The following AMBRA1 variants were observed in gnomAD, a reference collection of about 807,000 sequenced individuals.
The protein encoded by AMBRA1 is autophagy and beclin 1 regulator 1.
A neutral mutation model predicts 125.4 loss-of-function variants in AMBRA1; 47 were observed. The ratio of observed to expected loss-of-function variants is 0.37; its 90% CI spans 0.30 to 0.48. AMBRA1 has a LOEUF of 0.48. AMBRA1 is among the 20% of genes least tolerant of loss of function. The probability of loss-of-function intolerance (pLI) is 0.99; values close to 1 mark genes in which losing one functional copy is unlikely to be tolerated. For synonymous variants in AMBRA1, 626 were observed against 655.5 expected (o/e 0.95, Z 0.69); for missense variants, 1,331 against 1,693.4 (o/e 0.79, Z 3.76).
intron 1 of AMBRA1, among the ~76,000 whole-genome samples, chr11:46,557,448 T>C (rs1466546128): frequency 6.6e-6 from 1 of 152,140 alleles, no homozygotes; most frequent in African/African-American, 2.4e-5. Context: ...AATGAGACCG[T>C]CCACTGTAGA....
chr11:46,512,868 C>G, intron 7 of AMBRA1, 55 bp from the exon 8 acceptor site: 1 of 1,495,800 alleles, frequency 6.7e-7, no homozygotes, highest in Non-Finnish European at 9.2e-7. Context: ...ACTCAGAGGT[C>G]ATTCATAAGG....
intron 7 of AMBRA1, among the ~76,000 whole-genome samples, chr11:46,535,519 A>C (rs1273138324): frequency 6.6e-6 from 1 of 152,248 alleles, no homozygotes; most frequent in African/African-American, 2.4e-5. Context: ...AACTTAAAGA[A>C]AAAGCATCAG....
intron 9 of AMBRA1, among the ~76,000 whole-genome samples, chr11:46,503,060 CAAAAAAAAAA>C (rs35217088): frequency 0.06 from 1,863 of 31,056 alleles, 48 homozygotes; most frequent in African/African-American, 0.14. Context: ...GACTCTGTCT[CAAAAAAAAAA>C]AAAAAAAAAA....
intron 11 of AMBRA1, among the ~76,000 whole-genome samples, chr11:46,478,226 A>G (rs1949901881): frequency 6.6e-6 from 1 of 152,202 alleles, no homozygotes; most frequent in Non-Finnish European, 1.5e-5. Flanking sequence ...ATAATATGCC[A>G]CAGTAATTGG....
chr11:46,520,245 T>A (rs986463071), intron 7 of AMBRA1, among the ~76,000 whole-genome samples: 2 of 152,034 alleles, frequency 1.3e-5, no homozygotes, highest in Admixed American at 6.5e-5. Context: ...ACTGAAAAAA[T>A]TTTAATACAC....
rs916183757 is a variant in AMBRA1, at chr11:46,425,845, C to CA, written c.2976+7628dup. Among the ~76,000 whole-genome samples, 39 of 145,910 alleles carry CA rather than the reference C, an allele frequency of 2.7e-4. No homozygotes were observed. In the South Asian group the frequency reaches 6.6e-3, roughly 25 times the overall value. ...CAAGAGCGAAACTCCGTCTCAAAAACAAAAAAAAAGAAAACAGCGGGCTGG... is the reference window on the plus strand; with the variant it reads ...CAAGAGCGAAACTCCGTCTCAAAAACAAAAAAAAAAGAAAACAGCGGGCTGG... On this transcript the variant is annotated intron_variant, in intron 14 of 17. Transcript: ENST00000683756.
At chr11:46,452,073 A>G (rs1473522083) in intron 11 of AMBRA1, among the ~76,000 whole-genome samples, 2 of 151,906 alleles carry the variant, frequency 1.3e-5, no homozygotes, top group Non-Finnish European at 2.9e-5. Flanking sequence ...AGCCATTGAA[A>G]TGTATACTTT....
At chr11:46,406,095 C>T (rs1268112794) in intron 17 of AMBRA1, among the ~76,000 whole-genome samples, 4 of 151,108 alleles carry the variant, frequency 2.6e-5, no homozygotes, top group African/African-American at 9.7e-5. Context: ...GCTTTGTTGC[C>T]CAGGCTGGAG....
intron 5 of AMBRA1, among the ~76,000 whole-genome samples, chr11:46,544,805 G>A (rs1490566034): frequency 1.3e-5 from 2 of 152,136 alleles, no homozygotes; most frequent in Non-Finnish European, 2.9e-5. Context: ...TCTCCCAGCT[G>A]ATTAGTCAGC....
chr11:46,440,668 G>A (rs960841032), intron 12 of AMBRA1, among the ~76,000 whole-genome samples: 2 of 152,062 alleles, frequency 1.3e-5, no homozygotes, highest in African/African-American at 4.8e-5. Flanking sequence ...TTTCAATAAG[G>A]GAAAATGTGG....
chr11:46,452,336 TTTGTTG>T (rs759932665), intron 11 of AMBRA1, among the ~76,000 whole-genome samples: 127 of 152,064 alleles, frequency 8.4e-4, no homozygotes, highest in South Asian at 2.3e-3. Context: ...TTTAAGGTTT[TTTGTTG>T]TTGTTGTTGT....
chr11:46,573,268 G>A (rs916435545), intron 1 of AMBRA1, among the ~76,000 whole-genome samples: 1 of 151,878 alleles, frequency 6.6e-6, no homozygotes, highest in Admixed American at 6.6e-5. Context: ...AGCCAGGTGT[G>A]GTGGCACGCA....
intron 11 of AMBRA1, among the ~76,000 whole-genome samples, chr11:46,463,490 C>T (rs1296397465): frequency 6.6e-6 from 1 of 152,204 alleles, no homozygotes; most frequent in African/African-American, 2.4e-5. Flanking sequence ...CTGTCAGCTC[C>T]TTAAGAGTAG....
At chr11:46,464,481 T>A (rs540984627) in intron 11 of AMBRA1, among the ~76,000 whole-genome samples, 1 of 152,134 alleles carries the variant, frequency 6.6e-6, no homozygotes, top group Admixed American at 6.5e-5. Context: ...AGGACCCAAT[T>A]TGGGTTTTGT....
At chr11:46,579,435 C>G (rs1333765383) in intron 1 of AMBRA1, among the ~76,000 whole-genome samples, 1 of 152,054 alleles carries the variant, frequency 6.6e-6, no homozygotes, top group Admixed American at 6.6e-5. Context: ...CCAGCCTGGG[C>G]AACAAGAGCA....
intron 1 of AMBRA1, among the ~76,000 whole-genome samples, chr11:46,564,041 G>A (rs1198129781): frequency 1.3e-5 from 2 of 151,392 alleles, no homozygotes; most frequent in East Asian, 3.9e-4. Flanking sequence ...CTACTTGGGA[G>A]GCTGAGGCAG....
intron 17 of AMBRA1, among the ~76,000 whole-genome samples, chr11:46,399,596 T>A (rs1179888314): frequency 6.7e-6 from 1 of 149,606 alleles, no homozygotes; most frequent in African/African-American, 2.5e-5. Context: ...ACCTCCTGAC[T>A]TCAGGCGATC....
At position 46,418,025 on chromosome 11, in the gene AMBRA1, G is replaced by C; in HGVS notation, c.3004C>G (p.Pro1002Ala). The change falls in exon 15 of 18, where the codon CCT becomes GCT. Residue 1002 changes from proline to alanine, a missense_variant. By Grantham distance (27) the Pro-to-Ala change is conservative. Transcript: ENST00000683756. ...RRVFNVLYPM[P>A]ADQRRHVSIN... ...CTGACATGTCTCCGCTGGTCGGCAG[G>C]CATGGGATAAAGGACGTTGAAAACT... 6.2e-7 allele frequency: 1 copy of C among 1,605,898 alleles called. No homozygotes were observed. Among genetic ancestry groups the C allele is most frequent in the Non-Finnish European group, 8.5e-7 (1 of 1,174,362 alleles).
intron 11 of AMBRA1, among the ~76,000 whole-genome samples, chr11:46,446,964 A>G (rs1948316894): frequency 6.6e-6 from 1 of 152,202 alleles, no homozygotes; most frequent in Non-Finnish European, 1.5e-5. Flanking sequence ...TTCAGAATCA[A>G]CTGGACCAGA....
Sources: allele counts gnomAD v4.1 joint callset (sites outside exome capture counted in the v4.1 genomes callset), GRCh38; gene constraint gnomAD v4.1.1; transcripts MANE v1.5; gene names NCBI Gene and HGNC (gene_info 2026-07-23, HGNC 2026-07-21).